The following CCSER1 variants were observed in gnomAD, a reference collection of about 807,000 sequenced individuals.
CCSER1 encodes the protein coiled-coil serine rich protein 1.
A neutral mutation model predicts 82.0 loss-of-function variants in CCSER1; 41 were observed. That is an observed-to-expected ratio of 0.50 (90% CI 0.39 to 0.65). CCSER1 has a LOEUF of 0.65. Among genes scored for constraint, CCSER1 ranks in the 30% least tolerant of loss-of-function variants. CCSER1 has a pLI of 0.00. For missense variants in CCSER1, 1,119 were observed against 1,064.2 expected, an observed-to-expected ratio of 1.05 and a Z score of -0.72; for synonymous variants, 414 against 383.9, an observed-to-expected ratio of 1.08 and a Z score of -0.92.
chr4:90,673,667 C>G (rs949232040), intron 6 of CCSER1, among the ~76,000 whole-genome samples: 1 of 151,974 alleles, frequency 6.6e-6, no homozygotes, highest in East Asian at 1.9e-4. Flanking sequence ...GTAAAGAACA[C>G]ATCTGTATTA....
At chr4:91,161,434 G>C (rs935880294) in intron 10 of CCSER1, among the ~76,000 whole-genome samples, 6 of 152,132 alleles carry the variant, frequency 3.9e-5, no homozygotes, top group Admixed American at 3.9e-4. Flanking sequence ...TTCCAATTCT[G>C]TGAGGAAAGT....
At chr4:91,348,574 G>T (rs1394734255) in intron 10 of CCSER1, among the ~76,000 whole-genome samples, 1 of 152,098 alleles carries the variant, frequency 6.6e-6, no homozygotes, top group African/African-American at 2.4e-5. Context: ...ATTATTGGTA[G>T]AATTCATCTG....
rs1754536543 is a variant in CCSER1 at position 91,434,631 on chromosome 4, A to G, written c.2218-163941A>G. ...ATATCCACAGCTTTCCATAACTGGT[A>G]TGAAGATTGATGGCAGTTTTTTCTG... On this transcript the variant is annotated intron_variant, in intron 10 of 10. Coordinates refer to ENST00000509176, the MANE Select transcript of CCSER1 (RefSeq NM_001145065.2). Among the ~76,000 whole-genome samples the G allele has an allele frequency of 5.3e-5, 8 of 152,332 alleles. No homozygotes were observed. The South Asian group carries it at 1.7e-3, about 32-fold the overall frequency.
At chr4:91,171,097 T>C (rs912448523) in intron 10 of CCSER1, among the ~76,000 whole-genome samples, 6 of 152,118 alleles carry the variant, frequency 3.9e-5, no homozygotes, top group Non-Finnish European at 8.8e-5. Context: ...TTTTCCAAAA[T>C]AGAATAGAAA....
At chr4:91,567,303 A>G (rs1011527143) in intron 10 of CCSER1, among the ~76,000 whole-genome samples, 19 of 152,108 alleles carry the variant, frequency 1.2e-4, no homozygotes, top group Non-Finnish European at 7.4e-5. Context: ...ATGTTCAATT[A>G]TGTGGTTGAT....
intron 9 of CCSER1, among the ~76,000 whole-genome samples, chr4:90,942,726 G>A (rs1033305966): frequency 6.6e-6 from 1 of 151,590 alleles, no homozygotes; most frequent in Non-Finnish European, 1.5e-5. Context: ...AGTATTCTTT[G>A]GGAAGAAATA....
chr4:91,417,163 T>C (rs890871174), intron 10 of CCSER1, among the ~76,000 whole-genome samples: 5 of 152,136 alleles, frequency 3.3e-5, no homozygotes, highest in Non-Finnish European at 7.4e-5. Context: ...TGAGATACCA[T>C]ATCATGCCAG....
chr4:90,634,095 T>C (rs1198947284), intron 6 of CCSER1, among the ~76,000 whole-genome samples: 3 of 151,778 alleles, frequency 2.0e-5, no homozygotes, highest in African/African-American at 7.2e-5. Flanking sequence ...ATGTTTAATA[T>C]CTACAGAGGT....
At chr4:91,554,111 A>G (rs1762296091) in intron 10 of CCSER1, among the ~76,000 whole-genome samples, 2 of 151,594 alleles carry the variant, frequency 1.3e-5, no homozygotes, top group Admixed American at 6.6e-5. Context: ...CAAGATACGT[A>G]TTGATTTTCC....
rs565213774 is a variant in CCSER1 at position 91,491,585 on chromosome 4, C to T, written c.2218-106987C>T. The stretch of plus-strand genomic sequence containing the variant: ...CATAGGTAAAACTATACCATATTAT[C>T]AATATACCAAAACCATATGTGAGCA... On this transcript the variant is annotated intron_variant, in intron 10 of 10. Coordinates refer to ENST00000509176, the MANE Select transcript of CCSER1 (RefSeq NM_001145065.2). Among the ~76,000 whole-genome samples, 166 of 152,116 alleles carry T rather than the reference C, an allele frequency of 1.1e-3. 1 individual carries two copies. The highest frequency in any genetic ancestry group is 3.8e-3 in the African/African-American group (157 of 41,532).
chr4:91,269,526 T>C (rs1741863151), intron 10 of CCSER1, among the ~76,000 whole-genome samples: 1 of 152,182 alleles, frequency 6.6e-6, no homozygotes, highest in Admixed American at 6.5e-5. Flanking sequence ...TACTTATATG[T>C]TTATCAGAAA....
chr4:90,691,564 A>G (rs13106171), intron 6 of CCSER1, among the ~76,000 whole-genome samples: 21,806 of 151,712 alleles, frequency 0.14, 1,865 homozygotes, highest in Non-Finnish European at 0.19. Context: ...ACATGTGTGT[A>G]TATCACATGT....
At chr4:90,302,831 A>G (rs1319718132) in intron 1 of CCSER1, among the ~76,000 whole-genome samples, 1 of 151,814 alleles carries the variant, frequency 6.6e-6, no homozygotes, top group African/African-American at 2.4e-5. Context: ...AAACAAAACA[A>G]AAAGGAAGAA....
At chr4:90,433,869 GAT>G (rs138999636) in intron 4 of CCSER1, among the ~76,000 whole-genome samples, 5,537 of 147,516 alleles carry the variant, frequency 0.038, 206 homozygotes, top group African/African-American at 0.11. Flanking sequence ...ATTTCCTGGA[GAT>G]ATATATATAT....
At chr4:90,307,764 G>C (rs572728601) in intron 1 of CCSER1, among the ~76,000 whole-genome samples, 1 of 152,246 alleles carries the variant, frequency 6.6e-6, no homozygotes, top group Admixed American at 6.5e-5. Flanking sequence ...GCTCACGTCA[G>C]TAACTTGTTG....
chr4:90,236,842 T>C (rs551431011), intron 1 of CCSER1, among the ~76,000 whole-genome samples: 19 of 152,270 alleles, frequency 1.2e-4, no homozygotes, highest in Non-Finnish European at 2.5e-4. Flanking sequence ...GTTGTCATAC[T>C]GTGTGTGTAT....
At chr4:91,396,034 C>A (rs1465040117) in intron 10 of CCSER1, among the ~76,000 whole-genome samples, 1 of 152,038 alleles carries the variant, frequency 6.6e-6, no homozygotes, top group African/African-American at 2.4e-5. Context: ...TCCGTGTATT[C>A]ATTTCTAGAT....
intron 10 of CCSER1, among the ~76,000 whole-genome samples, chr4:91,246,226 G>T (rs1321002826): frequency 6.6e-6 from 1 of 152,162 alleles, no homozygotes; most frequent in Non-Finnish European, 1.5e-5. Flanking sequence ...GGGTGACAAA[G>T]TTAAAGTGTA....
chr4:90,263,247 G>A (rs372098955), intron 1 of CCSER1, among the ~76,000 whole-genome samples: 2 of 152,296 alleles, frequency 1.3e-5, no homozygotes, highest in Non-Finnish European at 2.9e-5. Context: ...GTTCCTGAGA[G>A]CCAGACTACA....
Sources: gnomAD v4.1 joint callset for allele counts (sites outside exome capture counted in the v4.1 genomes callset) on GRCh38, gnomAD v4.1.1 for gene constraint, MANE v1.5 for transcripts, NCBI Gene and HGNC (gene_info 2026-07-23, HGNC 2026-07-21) for gene names.